The following GPBP1 variants were observed in gnomAD, a reference collection of about 807,000 sequenced individuals.
The protein encoded by GPBP1 is vasculin.
Under a neutral mutation model 56.5 loss-of-function variants are expected in GPBP1, and 13 were observed. The ratio of observed to expected loss-of-function variants is 0.23; its 90% CI spans 0.15 to 0.37. The LOEUF is 0.37. Among genes scored for constraint, GPBP1 ranks in the 10% least tolerant of loss-of-function variants. GPBP1 has a pLI of 1.00. For synonymous variants in GPBP1, 204 were observed against 188.9 expected, an observed-to-expected ratio of 1.08 and a Z score of -0.66; for missense variants, 477 against 572.3, an observed-to-expected ratio of 0.83 and a Z score of 1.70.
At position 57,230,319 on chromosome 5, in the gene GPBP1, T is replaced by C. The variant is rs186486024; in HGVS notation, c.64-527T>C. 9.4e-4 allele frequency among the ~76,000 whole-genome samples: 143 copies of C among 152,366 alleles called. 1 individual carries two copies. The highest frequency in any genetic ancestry group is 7.5e-3 in the East Asian group (39 of 5,182). The stretch of plus-strand genomic sequence containing the variant: ...ATTAATATTTGGGGCTAGTGACTTT[T>C]ATACATTGTTAGAACTTTTCTGTAT... On this transcript the variant is annotated intron_variant, in intron 3 of 11. Coordinates refer to ENST00000506184, the MANE Select transcript of GPBP1 (RefSeq NM_022913.4).
chr5:57,251,431 T>A (rs1430872719), intron 10 of GPBP1, among the ~76,000 whole-genome samples: 1 of 152,208 alleles, frequency 6.6e-6, no homozygotes, highest in East Asian at 1.9e-4. Flanking sequence ...GATGTCTAGC[T>A]TCTTTCACTA....
chr5:57,209,724 T>G (rs930403410), intron 2 of GPBP1, among the ~76,000 whole-genome samples: 1 of 152,238 alleles, frequency 6.6e-6, no homozygotes, highest in Non-Finnish European at 1.5e-5. Context: ...TGTCAAATGC[T>G]TTTTCTGCAT....
chr5:57,220,683 C>G (rs1755918479), intron 3 of GPBP1, among the ~76,000 whole-genome samples: 1 of 152,050 alleles, frequency 6.6e-6, no homozygotes, highest in Non-Finnish European at 1.5e-5. Flanking sequence ...TGGTCTTGAA[C>G]TCCTGACCTC....
chr5:57,250,919 ATTC>A, intron 9 of GPBP1, 32 bp from the exon 10 acceptor site: 1 of 1,298,260 alleles, frequency 7.7e-7, no homozygotes, highest in Non-Finnish European at 1.1e-6. Flanking sequence ...TGTAGAACTC[ATTC>A]TTTTTTTTTT....
At chr5:57,226,555 T>TG (rs1321658707) in intron 3 of GPBP1, among the ~76,000 whole-genome samples, 1 of 44,508 alleles carries the variant, frequency 2.2e-5, no homozygotes, top group Non-Finnish European at 5.8e-5. Context: ...CATTTTTGCT[T>TG]TTTTTTTTTT....
intron 10 of GPBP1, among the ~76,000 whole-genome samples, chr5:57,260,015 G>T (rs773585884): frequency 3.3e-5 from 5 of 152,184 alleles, no homozygotes; most frequent in Non-Finnish European, 5.9e-5. Flanking sequence ...GCCATGTGCA[G>T]TTCTTTGAAG....
At chr5:57,211,943 A>C (rs940996426) in intron 2 of GPBP1, among the ~76,000 whole-genome samples, 3 of 150,654 alleles carry the variant, frequency 2.0e-5, no homozygotes, top group African/African-American at 7.3e-5. Flanking sequence ...ATTAAAAAAA[A>C]ATTTTTTTTT....
chr5:57,258,392 CTG>C (rs1487212137), intron 10 of GPBP1, among the ~76,000 whole-genome samples: 4 of 151,924 alleles, frequency 2.6e-5, no homozygotes, highest in Non-Finnish European at 4.4e-5. Context: ...ATGGTATAGA[CTG>C]TTATTTCTAG....
intron 3 of GPBP1, among the ~76,000 whole-genome samples, chr5:57,215,080 A>G (rs1191231982): frequency 2.0e-5 from 3 of 152,224 alleles, no homozygotes; most frequent in Non-Finnish European, 4.4e-5. Context: ...TACCAGTCAT[A>G]TACTTTGAAC....
In GPBP1 at chr5:57,248,707, T is replaced by G. The variant is rs1428261207; in HGVS notation, c.805-702T>G. 2.6e-5 allele frequency among the ~76,000 whole-genome samples: 4 copies of G among 152,232 alleles called. No homozygotes were observed. The East Asian group carries it at 7.7e-4, about 29-fold the overall frequency. ...CCTCGGCCTCCCAAAGTGCTGGGATTACAGGCGTGAGCCACTATTTTTTAT... is the reference window on the plus strand; with the variant it reads ...CCTCGGCCTCCCAAAGTGCTGGGATGACAGGCGTGAGCCACTATTTTTTAT... On this transcript the variant is annotated intron_variant, in intron 8 of 11. Transcript: ENST00000506184.
chr5:57,181,868 T>G (rs1754064642), intron 2 of GPBP1, among the ~76,000 whole-genome samples: 1 of 152,244 alleles, frequency 6.6e-6, no homozygotes, highest in African/African-American at 2.4e-5. Flanking sequence ...TGGTTGTGAC[T>G]GTTTTTCAGT....
chr5:57,213,051 C>G (rs1755558029), intron 2 of GPBP1, among the ~76,000 whole-genome samples: 1 of 149,290 alleles, frequency 6.7e-6, no homozygotes, highest in African/African-American at 2.5e-5. Context: ...GAGTATATGT[C>G]TTTTTTTTTA....
intron 6 of GPBP1, 101 bp from the exon 7 acceptor site, chr5:57,246,197 TAA>T (rs11349725): frequency 0.057 from 37,894 of 670,534 alleles, 496 homozygotes; most frequent in Admixed American, 0.19. Flanking sequence ...AGCTGTTAGT[TAA>T]AAAAAAAAAA....
intron 3 of GPBP1, among the ~76,000 whole-genome samples, chr5:57,227,687 AG>A (rs111982515): frequency 1.2e-4 from 19 of 152,260 alleles, no homozygotes; most frequent in African/African-American, 4.6e-4. Flanking sequence ...CAAAGGTCTT[AG>A]GGGGCTGTAC....
intron 2 of GPBP1, among the ~76,000 whole-genome samples, chr5:57,180,810 C>G (rs916639761): frequency 2.2e-4 from 34 of 152,226 alleles, no homozygotes; most frequent in African/African-American, 7.7e-4. Context: ...GGCACAATCT[C>G]AGTTCATTGC....
chr5:57,247,715 A>C (rs1203923234), intron 8 of GPBP1, among the ~76,000 whole-genome samples: 1 of 151,676 alleles, frequency 6.6e-6, no homozygotes, highest in South Asian at 2.1e-4. Context: ...GATGGGGGGG[A>C]ATTCCAAACA....
At chr5:57,253,997 G>A (rs757600096) in intron 10 of GPBP1, among the ~76,000 whole-genome samples, 5 of 152,046 alleles carry the variant, frequency 3.3e-5, no homozygotes, top group Non-Finnish European at 7.4e-5. Flanking sequence ...GAGTGCAGTG[G>A]CACAGTGATG....
chr5:57,208,841 G>A (rs1755353722), intron 2 of GPBP1, among the ~76,000 whole-genome samples: 1 of 151,806 alleles, frequency 6.6e-6, no homozygotes, highest in African/African-American at 2.4e-5. Flanking sequence ...TTTTAGCAGA[G>A]ATGGGGTTTC....
rs377307840 is a variant in GPBP1 at position 57,198,104 on chromosome 5, A to C, written c.-57-15970A>C. On this transcript the variant is annotated intron_variant, in intron 2 of 11. Coordinates refer to ENST00000506184, the MANE Select transcript of GPBP1 (RefSeq NM_022913.4). ...ATTCATGTAGACAACTGTGCATTCA[A>C]ATTTTTCAGTTACTTCTTTTCAATC... is the stretch of plus-strand genomic sequence containing the variant. Among the ~76,000 whole-genome samples the C allele has an allele frequency of 7.4e-4, 112 of 152,100 alleles. 1 individual carries two copies. The highest frequency in any genetic ancestry group is 2.6e-3 in the African/African-American group (106 of 41,504).
Sources: gnomAD v4.1 joint callset for allele counts (sites outside exome capture counted in the v4.1 genomes callset) on GRCh38, gnomAD v4.1.1 for gene constraint, MANE v1.5 for transcripts, NCBI Gene and HGNC (gene_info 2026-07-23, HGNC 2026-07-21) for gene names.